Variants in WNT10B observed in about 807,000 individuals in gnomAD.
WNT10B encodes the protein protein Wnt-10b.
WNT10B carries 26 observed loss-of-function variants against 32.7 expected under a neutral mutation model. The ratio of observed to expected loss-of-function variants is 0.79; its 90% CI spans 0.58 to 1.10. The LOEUF is 1.10. Ranked by LOEUF, WNT10B falls within the 50% of genes least tolerant of loss-of-function variation. The probability of loss-of-function intolerance (pLI) is 0.00; values close to 1 mark genes in which losing one functional copy is unlikely to be tolerated. For missense variants in WNT10B, 474 were observed against 532.5 expected, an observed-to-expected ratio of 0.89 and a Z score of 1.08; for synonymous variants, 204 against 220.4, an observed-to-expected ratio of 0.93 and a Z score of 0.66.
At chr12:48,966,579 G>A (rs1440314641) in intron 4 of WNT10B, 26 bp from the exon 5 acceptor site, 2 of 1,610,006 alleles carry the variant, frequency 1.2e-6, no homozygotes, top group Admixed American at 1.7e-5. Flanking sequence ...GAAAAGAGGT[G>A]AAGCAGAGGG....
intron 3 of WNT10B, chr12:48,969,157 A>T (rs1285467061): frequency 2.6e-5 from 12 of 470,128 alleles, no homozygotes; most frequent in Non-Finnish European, 4.9e-5. Context: ...GTGGGGAAGG[A>T]GGGGGACCCT....
rs1256005642 is a variant in WNT10B, at chr12:48,970,209, G to A, written c.217C>T (p.Leu73Phe). The A allele has an allele frequency of 1.9e-6, 3 of 1,594,766 alleles. No individual in the cohort carries two copies. The highest frequency in any genetic ancestry group is 1.7e-6 in the Non-Finnish European group (2 of 1,171,056). The change falls in exon 3 of 5, where the codon CTT becomes TTT. Residue 73 changes from leucine to phenylalanine, a missense_variant. Coordinates refer to ENST00000301061, the MANE Select transcript of WNT10B (RefSeq NM_003394.4). This position sits in a 1 kb window ranked among gnomAD's most constrained non-coding sequence, Gnocchi z 5.0. ...TGGACCGCGATGTGCAGACCCTGAA[G>A]CGCGGACGCCGTCACGTCGGGGTTG... ...LRNPDVTASA[L>F]QGLHIAVHEC...
chr12:48,968,175 A>C lies in WNT10B; in HGVS notation c.482T>G (p.Leu161Arg). ...SGEQDRLRAK[L>R]LQLQALSRGK... ...TCGGGACAGTGCCTGCAGCTGCAGC[A>C]GTTTGGCCCTCAGCCGATCCTGCTC... is the stretch of plus-strand genomic sequence containing the variant. The change falls in exon 4 of 5, where the codon CTG becomes CGG. Residue 161 changes from leucine (L) to arginine (R), a missense_variant. Coordinates refer to ENST00000301061, the MANE Select transcript of WNT10B (RefSeq NM_003394.4). 6.2e-7 allele frequency: 1 copy of C among 1,614,128 alleles called. No homozygotes were observed. Among genetic ancestry groups the C allele is most frequent in the Non-Finnish European group, 8.5e-7 (1 of 1,180,034 alleles).
chr12:48,966,301 G>T lies in WNT10B; in HGVS notation c.964C>A (p.Pro322Thr). ...CTTGTCCCTGGGGAGCCCATAGTGGGGTCTCGCTCACAGAAGTCAGGAGAC... is the reference window on the plus strand; with the variant it reads ...CTTGTCCCTGGGGAGCCCATAGTGGTGTCTCGCTCACAGAAGTCAGGAGAC... The part of the protein sequence containing the change: ...EKSPDFCERD[P>T]TMGSPGTRGR... Residue 322 changes from proline to threonine, a missense_variant, in exon 5 of 5, where the codon CCC (proline) becomes ACC (threonine). Pro to Thr is a conservative substitution (Grantham distance 38). Transcript: ENST00000301061. 1 of 1,614,174 alleles carries T rather than the reference G, an allele frequency of 6.2e-7. No homozygotes were observed. Among genetic ancestry groups the T allele is most frequent in the Non-Finnish European group, 8.5e-7 (1 of 1,180,026 alleles).
Position 48,970,069 on chromosome 12 carries a change from ACCCGC to A in WNT10B, c.337+15_337+19del. On this transcript the variant is annotated intron_variant, in intron 3 of 4. Coordinates refer to ENST00000301061, the MANE Select transcript of WNT10B (RefSeq NM_003394.4). The surrounding 1 kb of genome is among the most constrained non-coding windows in gnomAD (Gnocchi z 5.0). ...CCCCCTAGCCTCCGCGGCAGCGCCG[ACCCGC>A]CCAGCCAGGCTCACCGCGCTTGAGG... 1 of 1,494,280 alleles carries A rather than the reference ACCCGC, an allele frequency of 6.7e-7. No individual in the cohort carries two copies. Among genetic ancestry groups the A allele is most frequent in the Non-Finnish European group, 8.9e-7 (1 of 1,124,074 alleles). The allele number at this position is 1,494,280 out of a possible 1,614,324, so 92.6% of individuals were successfully genotyped here.
In WNT10B at chr12:48,971,628, C is replaced by G. The variant is rs1448632139; in HGVS notation, c.-214G>C. ...GCTTCCCCAGCGCCGCCGCGGCCGCCGGGAGGAAGGGAGGGAGGAAGGGAG... is the reference window on the plus strand; with the variant it reads ...GCTTCCCCAGCGCCGCCGCGGCCGCGGGGAGGAAGGGAGGGAGGAAGGGAG... On this transcript the variant is annotated 5_prime_UTR_variant, in exon 1 of 5. Coordinates refer to ENST00000301061, the MANE Select transcript of WNT10B (RefSeq NM_003394.4). The G allele has an allele frequency of 6.6e-6, 1 of 152,556 alleles. No individual in the cohort carries two copies. The highest frequency in any genetic ancestry group is 2.4e-5 in the African/African-American group (1 of 41,388). The allele number at this position is 152,556 out of a possible 1,614,324, so 9.5% of individuals were successfully genotyped here.
At chr12:48,969,283 C>G in intron 3 of WNT10B, 1 of 380,472 alleles carries the variant, frequency 2.6e-6, no homozygotes, top group African/African-American at 2.1e-5. Context: ...GCCTTCTGAT[C>G]CCCCTAACTC....
intron 3 of WNT10B, among the ~76,000 whole-genome samples, chr12:48,968,575 A>G (rs1459048305): frequency 6.6e-6 from 1 of 152,154 alleles, no homozygotes; most frequent in East Asian, 1.9e-4. Context: ...GCCCATTCTC[A>G]TTCTGTAAGT....
intron 4 of WNT10B, 52 bp from the exon 5 acceptor site, chr12:48,966,605 A>C: frequency 6.3e-7 from 1 of 1,592,960 alleles, no homozygotes; most frequent in Non-Finnish European, 8.6e-7. Context: ...AATGGACAGA[A>C]CACAGAGGCA....
In WNT10B at chr12:48,966,678, T is replaced by A. The variant is rs1237579826; in HGVS notation, c.712-125A>T. On this transcript the variant is annotated intron_variant, in intron 4 of 4. Coordinates refer to ENST00000301061, the MANE Select transcript of WNT10B (RefSeq NM_003394.4). ...AAATGGAGGCAAGAATAACATGGTA[T>A]ATCAGAACAGAAAGGACATTGCAGT... 27 of 1,097,200 alleles carry A rather than the reference T, an allele frequency of 2.5e-5. 1 individual carries two copies. Among genetic ancestry groups the A allele is most frequent in the Non-Finnish European group, 3.6e-5 (27 of 743,820 alleles). 68.0% of individuals were successfully genotyped at this position (1,097,200 alleles called of 1,614,324 possible).
At chr12:48,969,991 C>T (rs1940816643) in intron 3 of WNT10B, 98 bp downstream of exon 3, 2 of 1,339,870 alleles carry the variant, frequency 1.5e-6, no homozygotes, top group East Asian at 5.9e-5. Flanking sequence ...AGGCCCCTCC[C>T]GGAGCCGCGA....
rs1336465615 is a variant in WNT10B, at chr12:48,967,956, AC to A, written c.700del (p.Val234TrpfsTer6). On this transcript the variant is annotated frameshift_variant, in exon 4 of 5. Coordinates refer to ENST00000301061, the MANE Select transcript of WNT10B (RefSeq NM_003394.4). LOFTEE classifies it high-confidence loss of function. The stretch of plus-strand genomic sequence containing the variant: ...GATGTACACACATACCTGGCGCCCC[AC>A]CCTGTTGTTGTGGATTCGCATTCGT... ...QARMRIHNNR[V>X]GRQVVTENLK... The A allele has an allele frequency of 3.7e-6, 6 of 1,614,108 alleles. No individual in the cohort carries two copies. Among genetic ancestry groups the A allele is most frequent in the Non-Finnish European group, 5.1e-6 (6 of 1,180,012 alleles).
Position 48,970,111 on chromosome 12 carries a change from G to C in WNT10B, c.315C>G (p.His105Gln). The C allele has an allele frequency of 6.5e-7, 1 of 1,528,676 alleles. No individual in the cohort carries two copies. Among genetic ancestry groups the C allele is most frequent in the African/African-American group, 1.4e-5 (1 of 72,902 alleles). 94.7% of individuals were successfully genotyped at this position (1,528,676 alleles called of 1,614,324 possible). The change falls in exon 3 of 5, where the codon CAC (histidine) becomes CAG (glutamine). Residue 105 changes from histidine to glutamine, a missense_variant. Transcript: ENST00000301061. The surrounding 1 kb of genome is among the most constrained non-coding windows in gnomAD (Gnocchi z 5.0). ...CACCGCGCTTGAGGATGGCGCTGTG[G>C]TGCGGCAGGCGGCCGCCGCCCTCAA... ...SALEGGGRLP[H>Q]HSAILKRGFR...
chr12:48,970,128 C>G lies in WNT10B; in HGVS notation c.298G>C (p.Gly100Arg). 1 of 1,530,348 alleles carries G rather than the reference C, an allele frequency of 6.5e-7. No individual in the cohort carries two copies. The highest frequency in any genetic ancestry group is 8.8e-7 in the Non-Finnish European group (1 of 1,141,748). 94.8% of individuals were successfully genotyped at this position (1,530,348 alleles called of 1,614,324 possible). A position where few individuals can be genotyped will look rare whatever the true frequency, so the allele number is the denominator to read the frequency against. The change falls in exon 3 of 5, where the codon GGC becomes CGC. Residue 100 changes from glycine to arginine, a missense_variant. Coordinates refer to ENST00000301061, the MANE Select transcript of WNT10B (RefSeq NM_003394.4). The surrounding 1 kb of genome is among the most constrained non-coding windows in gnomAD (Gnocchi z 5.0). ...QRWNCSALEG[G>R]GRLPHHSAIL... Reference sequence around the variant, plus strand: ...GCGCTGTGGTGCGGCAGGCGGCCGCCGCCCTCAAGCGCGGAGCAGTTCCAG... The same window carrying G: ...GCGCTGTGGTGCGGCAGGCGGCCGCGGCCCTCAAGCGCGGAGCAGTTCCAG...
rs1940830708 is a variant in WNT10B, at chr12:48,970,358, A to G, written c.75-7T>C. On this transcript the variant is annotated splice_polypyrimidine_tract_variant and splice_region_variant and intron_variant, in intron 2 of 4. Transcript: ENST00000301061. The surrounding 1 kb of genome is among the most constrained non-coding windows in gnomAD (Gnocchi z 5.0). Reference sequence around the variant, plus strand: ...AATCTCATTGCTTAGAGCCCTGGGAACCAAGAAGGCGTCTGGGGTCTGCGG... The same window carrying G: ...AATCTCATTGCTTAGAGCCCTGGGAGCCAAGAAGGCGTCTGGGGTCTGCGG... 6.2e-7 allele frequency: 1 copy of G among 1,613,934 alleles called. No individual in the cohort carries two copies. The highest frequency in any genetic ancestry group is 8.5e-7 in the Non-Finnish European group (1 of 1,179,964).
At position 48,970,212 on chromosome 12, in the gene WNT10B, C is replaced by G; in HGVS notation, c.214G>C (p.Ala72Pro). 1 of 1,597,206 alleles carries G rather than the reference C, an allele frequency of 6.3e-7. No homozygotes were observed. Among genetic ancestry groups the G allele is most frequent in the Non-Finnish European group, 8.5e-7 (1 of 1,172,224 alleles). The part of the protein sequence containing the change: ...CLRNPDVTAS[A>P]LQGLHIAVHE... Reference sequence around the variant, plus strand: ...ACCGCGATGTGCAGACCCTGAAGCGCGGACGCCGTCACGTCGGGGTTGCGC... The same window carrying G: ...ACCGCGATGTGCAGACCCTGAAGCGGGGACGCCGTCACGTCGGGGTTGCGC... The change falls in exon 3 of 5, where the codon GCG becomes CCG. Residue 72 changes from alanine to proline, a missense_variant. Coordinates refer to ENST00000301061, the MANE Select transcript of WNT10B (RefSeq NM_003394.4). This position sits in a 1 kb window ranked among gnomAD's most constrained non-coding sequence, Gnocchi z 5.0.
Position 48,970,324 on chromosome 12 carries a change from C to T in WNT10B, c.102G>A (p.Leu34=). The T allele has an allele frequency of 6.2e-7, 1 of 1,614,008 alleles. No individual in the cohort carries two copies. ...TCAGCGGCGGCTCGCCAGGCAACTT[C>T]AGGCCCAGAATCTCATTGCTTAGAG... ...SRALSNEILG[L]KLPGEPPLTA... is the part of the protein sequence containing the mutation. Residue 34 remains leucine, a synonymous_variant, in exon 3 of 5, where the codon CTG becomes CTA. Coordinates refer to ENST00000301061, the MANE Select transcript of WNT10B (RefSeq NM_003394.4). This position sits in a 1 kb window ranked among gnomAD's most constrained non-coding sequence, Gnocchi z 5.0.
Position 48,970,392 on chromosome 12 carries a change from C to G in WNT10B, c.75-41G>C, listed in dbSNP as rs1000240555. ...GCGTCTGGGGTCTGCGGTCCAGACC[C>G]CTCCAACTCTCCCCACCCCGGGTCG... On this transcript the variant is annotated intron_variant, in intron 2 of 4. Transcript: ENST00000301061. The surrounding 1 kb of genome is among the most constrained non-coding windows in gnomAD (Gnocchi z 5.0). The G allele has an allele frequency of 2.5e-6, 4 of 1,614,054 alleles. No individual in the cohort carries two copies. Among genetic ancestry groups the G allele is most frequent in the Non-Finnish European group, 3.4e-6 (4 of 1,179,960 alleles).
Position 48,970,585 on chromosome 12 carries a change from C to A in WNT10B, c.-40-16G>T. The A allele has an allele frequency of 6.5e-7, 1 of 1,544,570 alleles. No individual in the cohort carries two copies. The highest frequency in any genetic ancestry group is 1.4e-5 in the African/African-American group (1 of 73,320). On this transcript the variant is annotated splice_polypyrimidine_tract_variant and intron_variant, in intron 1 of 4. Coordinates refer to ENST00000301061, the MANE Select transcript of WNT10B (RefSeq NM_003394.4). The surrounding 1 kb of genome is among the most constrained non-coding windows in gnomAD (Gnocchi z 5.0). Reference sequence around the variant, plus strand: ...CGATCAGGACCTGCGGGACGGGAGACTTGATGCGGGTTCAGGAATAGGGCG... The same window carrying A: ...CGATCAGGACCTGCGGGACGGGAGAATTGATGCGGGTTCAGGAATAGGGCG...
Sources: allele counts gnomAD v4.1 joint callset (sites outside exome capture counted in the v4.1 genomes callset), GRCh38; gene constraint gnomAD v4.1.1; non-coding constraint Gnocchi (gnomAD v3.1); transcripts MANE v1.5; gene names NCBI Gene and HGNC (gene_info 2026-07-23, HGNC 2026-07-21).